Variants in COQ8A observed in about 807,000 individuals in gnomAD.
The protein encoded by COQ8A is coenzyme Q8A, also known as atypical kinase COQ8A, mitochondrial.
A neutral mutation model predicts 65.0 loss-of-function variants in COQ8A; 51 were observed. That is an observed-to-expected ratio of 0.78 (90% CI 0.63 to 0.99). The LOEUF (loss-of-function observed/expected upper bound fraction) is 0.99. Among genes scored for constraint, COQ8A ranks in the 50% least tolerant of loss-of-function variants. The pLI, the probability that COQ8A is intolerant of heterozygous loss-of-function variation, is 0.00. For missense variants in COQ8A, 940 were observed against 875.0 expected (o/e 1.07, Z -0.94); for synonymous variants, 371 against 353.2 (o/e 1.05, Z -0.57).
At chr1:226,977,072 G>GAAC (rs1356895344) in intron 4 of COQ8A, among the ~76,000 whole-genome samples, 1 of 152,182 alleles carries the variant, frequency 6.6e-6, no homozygotes, top group African/African-American at 2.4e-5. Context: ...TGCCCTGTGT[G>GAAC]GTCGGGGTGA....
chr1:226,960,390 C>G (rs1342012918), intron 1 of COQ8A, among the ~76,000 whole-genome samples: 38 of 604 alleles, frequency 0.063, 1 homozygote, highest in South Asian at 0.14. Flanking sequence ...TTGGTGGTGT[C>G]AGTGGTGGTA....
intron 5 of COQ8A, among the ~76,000 whole-genome samples, chr1:226,977,978 T>G (rs560077747): frequency 8.3e-6 from 1 of 120,928 alleles, no homozygotes; most frequent in Non-Finnish European, 1.7e-5. Context: ...GCACACCCAC[T>G]GAACACCCAC....
At chr1:226,943,486 G>A (rs948777043) in intron 1 of COQ8A, among the ~76,000 whole-genome samples, 1 of 152,216 alleles carries the variant, frequency 6.6e-6, no homozygotes, top group African/African-American at 2.4e-5. Flanking sequence ...GAGAAGTGAG[G>A]ATGGCCCGAG....
At chr1:226,980,156 C>A (rs2148118982) in intron 5 of COQ8A, among the ~76,000 whole-genome samples, 1 of 152,338 alleles carries the variant, frequency 6.6e-6, no homozygotes, top group South Asian at 2.1e-4. Context: ...GACTGGAGGA[C>A]ACCGGCCACC....
chr1:226,971,975 G>A (rs768086043), intron 4 of COQ8A, among the ~76,000 whole-genome samples: 20 of 152,182 alleles, frequency 1.3e-4, no homozygotes, highest in Admixed American at 3.3e-4. Context: ...TTACACATAT[G>A]TTAGATCTTT....
chr1:226,950,011 G>A (rs1173456583), intron 1 of COQ8A, among the ~76,000 whole-genome samples: 1 of 152,198 alleles, frequency 6.6e-6, no homozygotes, highest in Non-Finnish European at 1.5e-5. Flanking sequence ...TAATTTAAAT[G>A]TTTTAAGCAG....
In COQ8A at chr1:226,977,442, C is replaced by T; in HGVS notation, c.656-7C>T. 6.4e-7 allele frequency: 1 copy of T among 1,558,660 alleles called. No individual in the cohort carries two copies. Among genetic ancestry groups the T allele is most frequent in the Non-Finnish European group, 8.7e-7 (1 of 1,151,462 alleles). ...AGCACTGAGTGCCCGCCCCCTCCTC[C>T]TTGCAGGTCTGGCCGTGGGCCTGGG... On this transcript the variant is annotated splice_polypyrimidine_tract_variant and splice_region_variant and intron_variant, in intron 4 of 14. Transcript: ENST00000366777.
Position 226,986,939 on chromosome 1 carries a change from A to G in COQ8A, c.*202A>G. 4 of 645,430 alleles carry G rather than the reference A, an allele frequency of 6.2e-6. No homozygotes were observed. Among genetic ancestry groups the G allele is most frequent in the Non-Finnish European group, 1.1e-5 (4 of 375,910 alleles). The allele number at this position is 645,430 out of a possible 1,614,324, so 40.0% of individuals were successfully genotyped here. A position where few individuals can be genotyped will look rare whatever the true frequency, so the allele number is the denominator to read the frequency against. ...GTGAGAAGTGCAAGAATGAAGATGA[A>G]GCCCCACTGCTCGGTCAGTCTGCCT... On this transcript the variant is annotated 3_prime_UTR_variant, in exon 15 of 15. Transcript: ENST00000366777.
At position 226,976,610 on chromosome 1, in the gene COQ8A, A is replaced by G. The variant is rs1659252482; in HGVS notation, c.656-839A>G. The stretch of plus-strand genomic sequence containing the variant: ...CGGAAAGCCAGCTACAGCTGGGTAT[A>G]AAGGAAGAGAATACTGGCCCTGGGT... On this transcript the variant is annotated intron_variant, in intron 4 of 14. Coordinates refer to ENST00000366777, the MANE Select transcript of COQ8A (RefSeq NM_020247.5). 2.0e-5 allele frequency among the ~76,000 whole-genome samples: 3 copies of G among 152,170 alleles called. No individual in the cohort carries two copies. The South Asian group carries it at 6.2e-4, about 31-fold the overall frequency.
intron 1 of COQ8A, among the ~76,000 whole-genome samples, chr1:226,960,402 T>TTGG (rs1384842542): frequency 0.038 from 61 of 1,594 alleles, no homozygotes; most frequent in Admixed American, 0.08. Flanking sequence ...GTGGTGGTAC[T>TTGG]TGGTGGTGGC....
intron 1 of COQ8A, among the ~76,000 whole-genome samples, chr1:226,954,476 T>TC (rs34974560): frequency 6.6e-6 from 1 of 152,182 alleles, no homozygotes; most frequent in Non-Finnish European, 1.5e-5. Context: ...AGATGCAGAT[T>TC]CCCGGGCCCC....
At chr1:226,981,445 G>A (rs1158454297) in intron 5 of COQ8A, among the ~76,000 whole-genome samples, 1 of 152,242 alleles carries the variant, frequency 6.6e-6, no homozygotes, top group Non-Finnish European at 1.5e-5. Flanking sequence ...CTGAGCTGCA[G>A]GGGGCCTCTG....
chr1:226,984,373 G>T, intron 11 of COQ8A, 138 bp downstream of exon 11: 1 of 1,376,506 alleles, frequency 7.3e-7, no homozygotes, highest in Admixed American at 1.9e-5. Flanking sequence ...GCACCAGTGG[G>T]ACTTAGGGGG....
chr1:226,973,765 C>T (rs1446407167), intron 4 of COQ8A, among the ~76,000 whole-genome samples: 2 of 152,226 alleles, frequency 1.3e-5, no homozygotes, highest in African/African-American at 4.8e-5. Flanking sequence ...AGGGAAGCCT[C>T]CTGGGCTGCT....
chr1:226,961,645 A>C, intron 2 of COQ8A, 83 bp downstream of exon 2: 1 of 1,482,822 alleles, frequency 6.7e-7, no homozygotes, highest in Non-Finnish European at 9.0e-7. Context: ...GGCTGTGACC[A>C]TGGCAACTGG....
intron 4 of COQ8A, among the ~76,000 whole-genome samples, chr1:226,976,584 C>T (rs1201536615): frequency 1.3e-5 from 2 of 152,180 alleles, no homozygotes; most frequent in African/African-American, 2.4e-5. Flanking sequence ...CCATGCCTAC[C>T]CGGAAAGCCA....
intron 4 of COQ8A, among the ~76,000 whole-genome samples, chr1:226,976,352 G>A (rs1020134820): frequency 9.4e-5 from 14 of 149,628 alleles, no homozygotes; most frequent in Admixed American, 9.3e-4. Context: ...GCGGGGCTGT[G>A]GGACTGCGAT....
At chr1:226,983,166 T>C (rs1659824250) in intron 8 of COQ8A, 132 bp downstream of exon 8, 1 of 1,323,702 alleles carries the variant, frequency 7.6e-7, no homozygotes, top group Admixed American at 2.7e-5. Context: ...ATATGTGGTG[T>C]CTTCTGGCCC....
chr1:226,952,706 C>G (rs1212012039), intron 1 of COQ8A, among the ~76,000 whole-genome samples: 1 of 152,104 alleles, frequency 6.6e-6, no homozygotes, highest in Non-Finnish European at 1.5e-5. Context: ...GCCGCTTCAC[C>G]CAACCTGATA....
Sources: allele counts gnomAD v4.1 joint callset (sites outside exome capture counted in the v4.1 genomes callset), GRCh38; gene constraint gnomAD v4.1.1; transcripts MANE v1.5; gene names NCBI Gene and HGNC (gene_info 2026-07-23, HGNC 2026-07-21).